Variants in ANO1 observed in about 807,000 individuals in gnomAD.
ANO1 encodes the protein anoctamin 1, also known as anoctamin-1.
ANO1 carries 59 observed loss-of-function variants against 124.0 expected under a neutral mutation model. The observed-to-expected ratio is 0.48, with a 90% CI of 0.39 to 0.59. The LOEUF is 0.59. ANO1 is among the 20% of genes least tolerant of loss of function. The pLI, the probability that ANO1 is intolerant of heterozygous loss-of-function variation, is 0.00. For missense variants in ANO1, 1,059 were observed against 1,328.0 expected, an observed-to-expected ratio of 0.80 and a Z score of 3.15; for synonymous variants, 529 against 532.0, an observed-to-expected ratio of 0.99 and a Z score of 0.08.
intron 1 of ANO1, among the ~76,000 whole-genome samples, chr11:70,000,918 A>T (rs1856371053): frequency 6.6e-6 from 1 of 150,894 alleles, no homozygotes; most frequent in African/African-American, 2.4e-5. Flanking sequence ...AAAAGGGTAC[A>T]TGAGATACCC....
At chr11:70,025,966 T>C (rs1856896096) in intron 1 of ANO1, among the ~76,000 whole-genome samples, 1 of 149,092 alleles carries the variant, frequency 6.7e-6, no homozygotes, top group Non-Finnish European at 1.5e-5. Flanking sequence ...GTGATGATGA[T>C]GATGGTGACG....
intron 22 of ANO1, among the ~76,000 whole-genome samples, chr11:70,172,467 G>A (rs1027320272): frequency 6.6e-6 from 1 of 152,186 alleles, no homozygotes; most frequent in African/African-American, 2.4e-5. Context: ...ATAAACAAAA[G>A]GTTGAATTAC....
chr11:70,111,226 C>T (rs558104597), intron 6 of ANO1: 1 of 459,072 alleles, frequency 2.2e-6, no homozygotes, highest in East Asian at 6.9e-5. Context: ...TCCCAATCAA[C>T]CTAAAATCTA....
chr11:70,083,533 C>T (rs1232789786), intron 1 of ANO1, among the ~76,000 whole-genome samples: 2 of 152,202 alleles, frequency 1.3e-5, no homozygotes, highest in Non-Finnish European at 2.9e-5. Context: ...GATAGGCCCC[C>T]AGTGGACAGA....
chr11:70,130,086 C>T (rs1158182866), intron 10 of ANO1, among the ~76,000 whole-genome samples: 1 of 152,174 alleles, frequency 6.6e-6, no homozygotes, highest in African/African-American at 2.4e-5. Flanking sequence ...ATAAGTTCAG[C>T]ATATCCAGAA....
At chr11:69,981,066 T>A (rs72931756), upstream of ANO1, among the ~76,000 whole-genome samples, 11,431 of 151,876 alleles carry the variant, frequency 0.075, 762 homozygotes, top group Admixed American at 0.14. Flanking sequence ...AAATAAAAAA[T>A]CAAAAATAAA....
chr11:70,185,447 C>A (rs1369298903), intron 24 of ANO1, 143 bp from the exon 25 acceptor site: 11 of 688,074 alleles, frequency 1.6e-5, no homozygotes, highest in Non-Finnish European at 2.7e-5. Context: ...CCATGGGCTG[C>A]TCGCCCAAGA....
intron 22 of ANO1, among the ~76,000 whole-genome samples, chr11:70,174,662 T>C (rs1876): frequency 0.08 from 12,118 of 152,148 alleles, 597 homozygotes; most frequent in Non-Finnish European, 0.11. Context: ...CAGTCCCACT[T>C]TCCAGATAGG....
At chr11:70,124,470 T>A in intron 9 of ANO1, 56 bp downstream of exon 9, 1 of 1,540,144 alleles carries the variant, frequency 6.5e-7, no homozygotes, top group East Asian at 2.2e-5. Context: ...GGCAGTCGGA[T>A]AACATCCCTG....
chr11:70,084,865 C>T (rs1050691808), intron 1 of ANO1, among the ~76,000 whole-genome samples: 2 of 152,196 alleles, frequency 1.3e-5, no homozygotes, highest in Non-Finnish European at 2.9e-5. Flanking sequence ...TGGGGTCAGC[C>T]AGCAGGAGTC....
chr11:70,106,055 G>A (rs577990706), intron 5 of ANO1, among the ~76,000 whole-genome samples: 10 of 152,202 alleles, frequency 6.6e-5, no homozygotes, highest in East Asian at 1.9e-4. Flanking sequence ...TTCAAAGGTC[G>A]GTGTTTCTGG....
intron 1 of ANO1, among the ~76,000 whole-genome samples, chr11:70,049,774 A>G (rs1591057042): frequency 2.6e-5 from 4 of 152,028 alleles, no homozygotes; most frequent in Admixed American, 2.6e-4. Context: ...AGGCTGGAGT[A>G]CAGTGGCGCA....
rs1334068295 is a variant in ANO1 at position 70,116,716 on chromosome 11, C to G, written c.897+217C>G. 4 of 542,032 alleles carry G rather than the reference C, an allele frequency of 7.4e-6. No individual in the cohort carries two copies. The Admixed American group carries it at 9.9e-5, about 13-fold the overall frequency. 33.6% of individuals were successfully genotyped at this position (542,032 alleles called of 1,614,324 possible). A position where few individuals can be genotyped will look rare whatever the true frequency, so the allele number is the denominator to read the frequency against. ...GGTTTGTTTTCCTCTTTCTGATTGT[C>G]AAAAATGCCCTTGGCAGGTGACCGT... On this transcript the variant is annotated intron_variant, in intron 8 of 25. Transcript: ENST00000355303.
chr11:70,048,091 G>A (rs186331435), intron 1 of ANO1, among the ~76,000 whole-genome samples: 33 of 152,148 alleles, frequency 2.2e-4, no homozygotes, highest in African/African-American at 6.5e-4. Context: ...GAAACTTTCC[G>A]TTTTATGAGA....
In ANO1 at chr11:70,187,920, G is replaced by A. The variant is rs34064841; in HGVS notation, c.2877G>A (p.Pro959=). Residue 959 remains proline, a synonymous_variant, in exon 26 of 26, where the codon CCG becomes CCA. Coordinates refer to ENST00000355303, the MANE Select transcript of ANO1 (RefSeq NM_018043.7). ...AGGAGCGGCAGAAGGACGAGCCGCC[G>A]TGCAACCACCACAACACCAAAGCCT... ...MEKERQKDEP[P]CNHHNTKACP... 44,458 of 1,586,800 alleles carry A rather than the reference G, an allele frequency of 0.028. 714 individuals carry two copies. Among genetic ancestry groups the A allele is most frequent in the Middle Eastern group, 0.042 (254 of 6,030 alleles).
At chr11:70,126,843 G>A (rs975596878) in intron 10 of ANO1, among the ~76,000 whole-genome samples, 11 of 143,976 alleles carry the variant, frequency 7.6e-5, no homozygotes, top group East Asian at 4.3e-4. Context: ...GAGGTGAGAC[G>A]TGAACGCTAG....
chr11:69,969,877 G>A, the ANO1 span, among the ~76,000 whole-genome samples: 2 of 152,264 alleles, frequency 1.3e-5, no homozygotes, highest in Non-Finnish European at 2.9e-5. Flanking sequence ...AACCTGGGGG[G>A]CAGAGGTTGC....
intron 22 of ANO1, among the ~76,000 whole-genome samples, chr11:70,173,528 G>A (rs951320216): frequency 6.6e-6 from 1 of 152,210 alleles, no homozygotes; most frequent in African/African-American, 2.4e-5. Flanking sequence ...GGCCACGGGT[G>A]AGCCCCTTGC....
In ANO1 at chr11:70,128,424, C is replaced by G. The variant is rs1053778978; in HGVS notation, c.1097+2229C>G. Among the ~76,000 whole-genome samples, 9 of 152,316 alleles carry G rather than the reference C, an allele frequency of 5.9e-5. No homozygotes were observed. The Middle Eastern group carries it at 0.01, about 173-fold the overall frequency. On this transcript the variant is annotated intron_variant, in intron 10 of 25. Coordinates refer to ENST00000355303, the MANE Select transcript of ANO1 (RefSeq NM_018043.7). Reference sequence around the variant, plus strand: ...TCTCCCCATGAGCCCTGGAGGAAGCCTGGGGGACCTCCATCTTCCTTCCTT... The same window carrying G: ...TCTCCCCATGAGCCCTGGAGGAAGCGTGGGGGACCTCCATCTTCCTTCCTT...
Sources: allele counts gnomAD v4.1 joint callset (sites outside exome capture counted in the v4.1 genomes callset), GRCh38; gene constraint gnomAD v4.1.1; transcripts MANE v1.5; gene names NCBI Gene and HGNC (gene_info 2026-07-23, HGNC 2026-07-21).